CDON: variants seen among roughly 807,000 people sequenced by gnomAD.
CDON encodes the protein cell adhesion associated, oncogene regulated.
In CDON, 73 loss-of-function variants were observed where a neutral mutation model predicts 120.9. The observed-to-expected ratio is 0.60, with a 90% CI of 0.50 to 0.73. CDON has a LOEUF of 0.73. Ranked by LOEUF, CDON falls within the 30% of genes least tolerant of loss-of-function variation. The pLI is 0.00. For missense variants in CDON, 1,470 were observed against 1,587.3 expected (o/e 0.93, Z 1.26); for synonymous variants, 566 against 573.5 (o/e 0.99, Z 0.19).
chr11:126,017,764 G>A (rs1221275005), intron 5 of CDON, among the ~76,000 whole-genome samples: 2 of 147,966 alleles, frequency 1.4e-5, no homozygotes, highest in Non-Finnish European at 3.0e-5. Flanking sequence ...CTATAAAGCT[G>A]TATCTCCTCT....
intron 1 of CDON, among the ~76,000 whole-genome samples, chr11:126,057,332 G>A (rs1948704791): frequency 6.6e-6 from 1 of 152,080 alleles, no homozygotes; most frequent in Non-Finnish European, 1.5e-5. Flanking sequence ...AATTTACAAA[G>A]CATGAATTAG....
chr11:125,971,255 C>T (rs1454096586), intron 18 of CDON, among the ~76,000 whole-genome samples: 26 of 151,934 alleles, frequency 1.7e-4, no homozygotes, highest in East Asian at 7.8e-4. Context: ...TGGTGGCGGG[C>T]ACTTGTAGTC....
intron 18 of CDON, among the ~76,000 whole-genome samples, chr11:125,974,881 A>G (rs185970403): frequency 2.6e-4 from 40 of 152,150 alleles, no homozygotes; most frequent in African/African-American, 9.4e-4. Context: ...TCCATGTTTG[A>G]AACTTCTTAC....
chr11:126,015,178 A>C, intron 7 of CDON, 63 bp downstream of exon 7: 1 of 1,456,174 alleles, frequency 6.9e-7, no homozygotes, highest in South Asian at 1.1e-5. Flanking sequence ...TTCATTTTTG[A>C]CCACAACAAA....
At chr11:125,973,057 C>T (rs551259243) in intron 18 of CDON, among the ~76,000 whole-genome samples, 1 of 103,632 alleles carries the variant, frequency 9.6e-6, no homozygotes, top group East Asian at 3.2e-4. Flanking sequence ...CCCTCAGACT[C>T]ATTCAGACTC....
At position 126,017,179 on chromosome 11, in the gene CDON, G is replaced by A. The variant is rs776831132; in HGVS notation, c.837C>T (p.Ser279=). 8 of 1,613,972 alleles carry A rather than the reference G, an allele frequency of 5.0e-6. No homozygotes were observed. The highest frequency in any genetic ancestry group is 3.3e-5 in the South Asian group (3 of 91,084). ...AGTTTCCGGAGTCCGCCGGGTCAAC[G>A]CTATCAGTGGCAAGATGAGAATACA... ...RRLYSHLATD[S]VDPADSGNYS... The change falls in exon 6 of 20, where the codon AGC becomes AGT. Residue 279 remains serine, a synonymous_variant. Coordinates refer to ENST00000531738, the MANE Select transcript of CDON (RefSeq NM_001378964.1).
chr11:125,986,522 T>C (rs947638749), intron 15 of CDON, among the ~76,000 whole-genome samples: 2 of 152,078 alleles, frequency 1.3e-5, no homozygotes, highest in African/African-American at 4.8e-5. Flanking sequence ...TCCCAGCACT[T>C]TGGGAGGCGG....
At chr11:125,987,416 T>C (rs888478252) in intron 15 of CDON, among the ~76,000 whole-genome samples, 1 of 152,260 alleles carries the variant, frequency 6.6e-6, no homozygotes, top group African/African-American at 2.4e-5. Flanking sequence ...AAAACCGTCA[T>C]TGTTCACAAG....
chr11:126,015,755 C>T (rs1032159391), intron 6 of CDON, among the ~76,000 whole-genome samples: 3 of 152,144 alleles, frequency 2.0e-5, no homozygotes, highest in Non-Finnish European at 2.9e-5. Context: ...ACTTAACTCC[C>T]CACAACATAC....
chr11:126,030,555 A>C (rs1338402135), intron 1 of CDON, among the ~76,000 whole-genome samples: 2 of 152,256 alleles, frequency 1.3e-5, no homozygotes, highest in Non-Finnish European at 2.9e-5. Context: ...TTTTTTAAAA[A>C]GAATCTTATT....
At chr11:126,062,056 G>C (rs564257259) in intron 1 of CDON, among the ~76,000 whole-genome samples, 1 of 152,354 alleles carries the variant, frequency 6.6e-6, no homozygotes, top group East Asian at 1.9e-4. Context: ...GCAATCCACA[G>C]AAAGCTTTAC....
chr11:125,994,420 A>G (rs1397811872), intron 13 of CDON, 31 bp from the exon 14 acceptor site: 1 of 1,180,010 alleles, frequency 8.5e-7, no homozygotes, highest in Admixed American at 1.7e-5. Context: ...CTTGTCAAAG[A>G]GAAAAATTAA....
intron 1 of CDON, among the ~76,000 whole-genome samples, chr11:126,058,030 C>T (rs1406609874): frequency 2.6e-5 from 4 of 152,166 alleles, no homozygotes; most frequent in African/African-American, 7.2e-5. Context: ...ACATAAATAA[C>T]AAGAAGTGAG....
chr11:125,981,889 C>G (rs1191744323), intron 16 of CDON, among the ~76,000 whole-genome samples: 3 of 149,450 alleles, frequency 2.0e-5, no homozygotes, highest in Non-Finnish European at 4.4e-5. Context: ...TATACAGTCA[C>G]TGATCATTCA....
At chr11:126,031,377 G>A (rs973465598) in intron 1 of CDON, among the ~76,000 whole-genome samples, 5 of 152,086 alleles carry the variant, frequency 3.3e-5, no homozygotes, top group Admixed American at 6.6e-5. Flanking sequence ...ATACAGCTTC[G>A]TTTTATTCAG....
chr11:126,051,696 G>A (rs753135684), intron 1 of CDON, among the ~76,000 whole-genome samples: 3 of 144,968 alleles, frequency 2.1e-5, no homozygotes, highest in African/African-American at 7.7e-5. Context: ...TGCTCAGGCT[G>A]GAGTGCAATG....
intron 1 of CDON, among the ~76,000 whole-genome samples, chr11:126,027,308 A>T (rs1947815718): frequency 6.6e-6 from 1 of 152,208 alleles, no homozygotes; most frequent in South Asian, 2.1e-4. Flanking sequence ...CAACCTCACA[A>T]ATAAACATTA....
rs529417705 is a variant in CDON at position 125,985,250 on chromosome 11, T to C, written c.2774-1157A>G. On this transcript the variant is annotated intron_variant, in intron 15 of 19. Transcript: ENST00000531738. Reference sequence around the variant, plus strand: ...AGTGCAATGGTGTGATCTCAGCTCATTGCAGCCCCGTCTCCCAGGTTCCAG... The same window carrying C: ...AGTGCAATGGTGTGATCTCAGCTCACTGCAGCCCCGTCTCCCAGGTTCCAG... Among the ~76,000 whole-genome samples the C allele has an allele frequency of 3.9e-5, 6 of 152,282 alleles. No homozygotes were observed. The East Asian group carries it at 5.8e-4, about 15-fold the overall frequency.
intron 18 of CDON, among the ~76,000 whole-genome samples, chr11:125,969,837 ACT>A (rs141530841): frequency 0.024 from 3,615 of 152,244 alleles, 136 homozygotes; most frequent in African/African-American, 0.08. Flanking sequence ...TTTAAGCAAC[ACT>A]CTGAATAGCA....
Sources: allele counts gnomAD v4.1 joint callset (sites outside exome capture counted in the v4.1 genomes callset), GRCh38; gene constraint gnomAD v4.1.1; transcripts MANE v1.5; gene names NCBI Gene and HGNC (gene_info 2026-07-23, HGNC 2026-07-21).